The following ASB3 variants were observed in gnomAD, a reference collection of about 807,000 sequenced individuals.
ASB3 encodes ankyrin repeat and SOCS box protein 3.
In ASB3, 41 loss-of-function variants were observed where a neutral mutation model predicts 54.5. The observed-to-expected ratio is 0.75, with a 90% confidence interval of 0.59 to 0.98. ASB3 has a LOEUF of 0.98. Among genes scored for constraint, ASB3 ranks in the 50% least tolerant of loss-of-function variants. The pLI is 0.00. For synonymous variants in ASB3, 266 were observed against 221.2 expected (o/e 1.20, Z -1.80); for missense variants, 733 against 620.0 (o/e 1.18, Z -1.94).
At chr2:53,678,092 A>C (rs1412806633) in intron 9 of ASB3, among the ~76,000 whole-genome samples, 1 of 152,154 alleles carries the variant, frequency 6.6e-6, no homozygotes, top group Admixed American at 6.6e-5. Flanking sequence ...TGATTACTAC[A>C]GTCAAACAAA....
intron 9 of ASB3, among the ~76,000 whole-genome samples, chr2:53,686,479 C>T (rs1398783033): frequency 6.6e-6 from 1 of 152,088 alleles, no homozygotes; most frequent in Non-Finnish European, 1.5e-5. Flanking sequence ...CTACAAGAAA[C>T]CTTTCCTTCT....
intron 9 of ASB3, among the ~76,000 whole-genome samples, chr2:53,673,570 C>T (rs986044688): frequency 6.6e-6 from 1 of 152,066 alleles, no homozygotes; most frequent in African/African-American, 2.4e-5. Flanking sequence ...CACACTAGAC[C>T]AGTTCGCATT....
At chr2:53,743,046 A>G (rs981684437) in intron 3 of ASB3, among the ~76,000 whole-genome samples, 1 of 152,208 alleles carries the variant, frequency 6.6e-6, no homozygotes. Context: ...CTAGAACAGA[A>G]TGGATCATCA....
chr2:53,750,681 A>G, intron 3 of ASB3, 102 bp downstream of exon 3: 1 of 1,258,564 alleles, frequency 7.9e-7, no homozygotes, highest in Non-Finnish European at 1.0e-6. Context: ...TTGCCAAAAG[A>G]ACATACTATA....
At chr2:53,726,896 G>A (rs987476678) in intron 5 of ASB3, among the ~76,000 whole-genome samples, 1 of 152,046 alleles carries the variant, frequency 6.6e-6, no homozygotes, top group East Asian at 1.9e-4. Context: ...GTTTCACCAT[G>A]TTGGCTGGGC....
At chr2:53,717,256 A>G (rs1015520089) in intron 5 of ASB3, among the ~76,000 whole-genome samples, 2 of 152,232 alleles carry the variant, frequency 1.3e-5, no homozygotes, top group Non-Finnish European at 2.9e-5. Context: ...AATATTTCTG[A>G]TAACTGCTGA....
At chr2:53,682,103 T>G (rs1250482001) in intron 9 of ASB3, among the ~76,000 whole-genome samples, 1 of 147,992 alleles carries the variant, frequency 6.8e-6, no homozygotes, top group Non-Finnish European at 1.5e-5. Context: ...GAGGTTGCAG[T>G]GAGCCGAGAT....
At chr2:53,682,208 A>T (rs766605983) in intron 9 of ASB3, among the ~76,000 whole-genome samples, 2 of 152,044 alleles carry the variant, frequency 1.3e-5, no homozygotes, top group Non-Finnish European at 2.9e-5. Flanking sequence ...TTCTGTGAAG[A>T]ATGTCATTGG....
intron 1 of ASB3, among the ~76,000 whole-genome samples, chr2:53,778,149 C>CAAAAAAAAAAAAAAAAAAAAAAAAAA: frequency 1.6e-5 from 1 of 62,632 alleles, no homozygotes; most frequent in Non-Finnish European, 3.5e-5. Flanking sequence ...ATTCTTGTCT[C>CAAAAAAAAAAAAAAAAAAAAAAAAAA]AAAAAAAAAA....
At chr2:53,745,114 A>G (rs1030465149) in intron 3 of ASB3, among the ~76,000 whole-genome samples, 10 of 152,234 alleles carry the variant, frequency 6.6e-5, no homozygotes, top group Admixed American at 2.6e-4. Context: ...CCTAAATATT[A>G]GCTGGATTTT....
chr2:53,761,278 T>G (rs142525691), intron 2 of ASB3, among the ~76,000 whole-genome samples: 1 of 152,196 alleles, frequency 6.6e-6, no homozygotes, highest in East Asian at 1.9e-4. Flanking sequence ...GGTAAAGAAA[T>G]AGTCAAATCA....
chr2:53,696,469 CTGCCTCCAAGT>C (rs1445666847), intron 8 of ASB3, among the ~76,000 whole-genome samples: 1 of 152,166 alleles, frequency 6.6e-6, no homozygotes, highest in Non-Finnish European at 1.5e-5. Context: ...ATAAATCCTT[CTGCCTCCAAGT>C]AGTCCATTTA....
intron 7 of ASB3, among the ~76,000 whole-genome samples, chr2:53,707,724 G>C (rs1221989257): frequency 6.6e-6 from 1 of 151,664 alleles, no homozygotes; most frequent in African/African-American, 2.4e-5. Flanking sequence ...ACTTTTGGGA[G>C]GTGAAGGGGG....
At chr2:53,699,310 C>A (rs1669354594) in intron 8 of ASB3, among the ~76,000 whole-genome samples, 1 of 152,236 alleles carries the variant, frequency 6.6e-6, no homozygotes, top group Admixed American at 6.5e-5. Context: ...CTGTTTCCAA[C>A]ACCTGAAATT....
At chr2:53,734,897 T>G (rs1361393606) in intron 3 of ASB3, among the ~76,000 whole-genome samples, 1 of 151,828 alleles carries the variant, frequency 6.6e-6, no homozygotes. Context: ...ATTTATTTTT[T>G]TATTCCTTTA....
intron 9 of ASB3, among the ~76,000 whole-genome samples, chr2:53,690,421 C>T (rs1558518508): frequency 6.6e-6 from 1 of 152,184 alleles, no homozygotes; most frequent in African/African-American, 2.4e-5. Flanking sequence ...GTAATGACTA[C>T]GTAGGAACTG....
Position 53,765,445 on chromosome 2 carries a change from C to G in ASB3, c.128G>C (p.Gly43Ala). The G allele has an allele frequency of 6.2e-7, 1 of 1,614,194 alleles. No homozygotes were observed. The highest frequency in any genetic ancestry group is 8.5e-7 in the Non-Finnish European group (1 of 1,180,018). Residue 43 changes from glycine to alanine, a missense_variant, in exon 2 of 10, where the codon GGA becomes GCA. Transcript: ENST00000263634. Reference protein sequence around the residue: ...GRSVDVADNRGWMPIHEAAYH... With the variant: ...GRSVDVADNRAWMPIHEAAYH... ...AGCTGCTTCATGAATTGGCATCCAT[C>G]CCCTGTTATCAGCAACATCGACACT...
Position 53,714,538 on chromosome 2 carries a change from T to C in ASB3, c.826A>G (p.Thr276Ala). The C allele has an allele frequency of 6.2e-7, 1 of 1,614,208 alleles. No individual in the cohort carries two copies. Among genetic ancestry groups the C allele is most frequent in the Non-Finnish European group, 8.5e-7 (1 of 1,180,018 alleles). The change falls in exon 7 of 10, where the codon ACT (threonine) becomes GCT (alanine). Residue 276 changes from threonine (T) to alanine (A), a missense_variant. Thr to Ala is a moderately conservative substitution (Grantham distance 58, BLOSUM62 0). Transcript: ENST00000263634. The part of the protein sequence containing the change: ...LIPLTNRACD[T>A]GLNKVSPVYS... Reference sequence around the variant, plus strand: ...ACAGGGCTTACTTTGTTTAGCCCAGTGTCACAGGCCCGGTTAGTAAGTGGT... The same window carrying C: ...ACAGGGCTTACTTTGTTTAGCCCAGCGTCACAGGCCCGGTTAGTAAGTGGT...
At chr2:53,758,470 A>T (rs1440979703) in intron 2 of ASB3, among the ~76,000 whole-genome samples, 3 of 152,206 alleles carry the variant, frequency 2.0e-5, no homozygotes, top group Non-Finnish European at 2.9e-5. Context: ...TTTGCATAAG[A>T]ACTGTTGTTT....
Sources: gnomAD v4.1 joint callset for allele counts (sites outside exome capture counted in the v4.1 genomes callset) on GRCh38, gnomAD v4.1.1 for gene constraint, MANE v1.5 for transcripts, NCBI Gene and HGNC (gene_info 2026-07-23, HGNC 2026-07-21) for gene names.